Variants in CADM2 observed in about 807,000 individuals in gnomAD.
CADM2 encodes immunoglobulin superfamily member 4D.
A neutral mutation model predicts 49.8 loss-of-function variants in CADM2; 12 were observed. The observed-to-expected ratio is 0.24, with a 90% confidence interval of 0.15 to 0.39. CADM2 has a LOEUF of 0.39. Ranked by LOEUF, CADM2 falls within the 10% of genes least tolerant of loss-of-function variation. CADM2 has a pLI of 1.00. For synonymous variants in CADM2, 214 were observed against 175.4 expected (o/e 1.22, Z -1.74); for missense variants, 378 against 492.3 (o/e 0.77, Z 2.20).
At chr3:85,232,631 C>CA (rs1306822225) in intron 1 of CADM2, among the ~76,000 whole-genome samples, 1 of 151,476 alleles carries the variant, frequency 6.6e-6, no homozygotes, top group African/African-American at 2.4e-5. Context: ...GATATCTCAC[C>CA]AAAAAAGCTT....
intron 1 of CADM2, among the ~76,000 whole-genome samples, chr3:85,305,619 G>A (rs542632988): frequency 6.6e-6 from 1 of 151,648 alleles, no homozygotes; most frequent in South Asian, 2.1e-4. Flanking sequence ...ATTGCAAAAT[G>A]GGTTGACATT....
chr3:85,502,850 A>T (rs1209264535), intron 1 of CADM2, among the ~76,000 whole-genome samples: 4 of 152,164 alleles, frequency 2.6e-5, no homozygotes, highest in African/African-American at 9.6e-5. Flanking sequence ...CTTATCAATT[A>T]CTGTTTATGT....
intron 1 of CADM2, among the ~76,000 whole-genome samples, chr3:85,653,599 T>C (rs1265022485): frequency 6.6e-6 from 1 of 152,040 alleles, no homozygotes; most frequent in Admixed American, 6.5e-5. Flanking sequence ...TAAATTTGTT[T>C]TATGATATTT....
chr3:85,109,568 A>T (rs1290229587), intron 1 of CADM2, among the ~76,000 whole-genome samples: 1 of 151,984 alleles, frequency 6.6e-6, no homozygotes, highest in East Asian at 1.9e-4. Flanking sequence ...CAACTTGGGA[A>T]TGCTACTATG....
intron 2 of CADM2, among the ~76,000 whole-genome samples, chr3:85,768,763 T>C (rs1378019270): frequency 7.3e-6 from 1 of 136,418 alleles, no homozygotes; most frequent in African/African-American, 2.7e-5. Context: ...ATATATAGTA[T>C]ATATACACAT....
chr3:85,862,640 C>T (rs995352349), intron 3 of CADM2, among the ~76,000 whole-genome samples: 1 of 151,838 alleles, frequency 6.6e-6, no homozygotes, highest in African/African-American at 2.4e-5. Context: ...ATAAATGATA[C>T]CAAATTTTTT....
intron 1 of CADM2, among the ~76,000 whole-genome samples, chr3:85,643,811 G>T (rs2064804856): frequency 6.6e-6 from 1 of 152,044 alleles, no homozygotes; most frequent in South Asian, 2.1e-4. Context: ...GTTATTATAT[G>T]TGGAGTCATT....
At chr3:85,912,639 G>T in intron 6 of CADM2, 96 bp downstream of exon 6, 1 of 1,288,432 alleles carries the variant, frequency 7.8e-7, no homozygotes, top group South Asian at 1.4e-5. Context: ...TATAGCAAAG[G>T]TGCAGTAAAA....
chr3:85,594,621 T>TTATG (rs538316498), intron 1 of CADM2, among the ~76,000 whole-genome samples: 9 of 151,940 alleles, frequency 5.9e-5, no homozygotes, highest in Non-Finnish European at 1.2e-4. Flanking sequence ...AAGCATTCAT[T>TTATG]TATGTTAGAT....
chr3:85,951,597 A>G (rs1723431272), intron 7 of CADM2, among the ~76,000 whole-genome samples: 1 of 150,998 alleles, frequency 6.6e-6, no homozygotes, highest in South Asian at 2.1e-4. Flanking sequence ...CTAATCACAC[A>G]TTCTTAATGA....
chr3:85,619,295 C>G (rs757964718), intron 1 of CADM2, among the ~76,000 whole-genome samples: 1 of 147,942 alleles, frequency 6.8e-6, no homozygotes, highest in Non-Finnish European at 1.5e-5. Context: ...TATTTTTTCA[C>G]TGGAAACTGA....
chr3:85,858,360 A>G (rs1185448223), intron 3 of CADM2, among the ~76,000 whole-genome samples: 3 of 152,264 alleles, frequency 2.0e-5, no homozygotes, highest in Non-Finnish European at 4.4e-5. Context: ...TGCCATCTGA[A>G]CATCCATTAT....
intron 1 of CADM2, among the ~76,000 whole-genome samples, chr3:85,695,723 C>T (rs1159636013): frequency 6.6e-6 from 1 of 152,080 alleles, no homozygotes. Context: ...TAAGCATACA[C>T]TTGCAAGTGT....
chr3:85,275,251 G>A (rs1210066469), intron 1 of CADM2, among the ~76,000 whole-genome samples: 1 of 151,358 alleles, frequency 6.6e-6, no homozygotes, highest in Admixed American at 6.6e-5. Context: ...TTTTCTTTTG[G>A]ATTTTGCACA....
At chr3:85,289,300 A>G (rs933006111) in intron 1 of CADM2, among the ~76,000 whole-genome samples, 7 of 152,174 alleles carry the variant, frequency 4.6e-5, no homozygotes, top group African/African-American at 7.2e-5. Context: ...TAATACTACC[A>G]AATCTCTATG....
chr3:85,749,254 A>C (rs2107852679), intron 2 of CADM2, among the ~76,000 whole-genome samples: 1 of 152,094 alleles, frequency 6.6e-6, no homozygotes, highest in South Asian at 2.1e-4. Flanking sequence ...ACTAATTACT[A>C]ATTACTTAGT....
chr3:85,405,560 A>G (rs891637417), intron 1 of CADM2, among the ~76,000 whole-genome samples: 1 of 152,188 alleles, frequency 6.6e-6, no homozygotes, highest in Non-Finnish European at 1.5e-5. Flanking sequence ...TTTGTGATCA[A>G]GGTTGCCCTC....
chr3:85,517,559 A>G (rs1160868111), intron 1 of CADM2, among the ~76,000 whole-genome samples: 1 of 152,176 alleles, frequency 6.6e-6, no homozygotes, highest in Non-Finnish European at 1.5e-5. Context: ...TTATATCGTC[A>G]TGATTTTAAC....
chr3:85,664,090 C>A (rs2065491132), intron 1 of CADM2, among the ~76,000 whole-genome samples: 1 of 151,942 alleles, frequency 6.6e-6, no homozygotes, highest in Non-Finnish European at 1.5e-5. Flanking sequence ...TAGGATGATT[C>A]TCTTCTGTCT....
Sources: allele counts gnomAD v4.1 joint callset (sites outside exome capture counted in the v4.1 genomes callset), GRCh38; gene constraint gnomAD v4.1.1; transcripts MANE v1.5; gene names NCBI Gene and HGNC (gene_info 2026-07-23, HGNC 2026-07-21).